RSBN1: variants seen among roughly 807,000 people sequenced by gnomAD.
RSBN1 encodes the protein lysine-specific demethylase 9.
RSBN1 carries 23 observed loss-of-function variants against 74.8 expected under a neutral mutation model. The observed-to-expected ratio is 0.31, with a 90% CI of 0.22 to 0.44. The LOEUF (loss-of-function observed/expected upper bound fraction) is 0.44, where lower values mean the gene tolerates loss of function less well. Ranked by LOEUF, RSBN1 falls within the 20% of genes least tolerant of loss-of-function variation. The pLI is 1.00. For missense variants in RSBN1, 808 were observed against 1,020.9 expected, an observed-to-expected ratio of 0.79 and a Z score of 2.84; for synonymous variants, 407 against 379.6, an observed-to-expected ratio of 1.07 and a Z score of -0.84.
chr1:113,768,192 C>A, intron 5 of RSBN1, 30 bp downstream of exon 5: 1 of 1,565,424 alleles, frequency 6.4e-7, no homozygotes, highest in Non-Finnish European at 8.7e-7. Flanking sequence ...CAATATTAAC[C>A]AACCTTGCAG....
chr1:113,785,852 G>C (rs1025338960), intron 2 of RSBN1, among the ~76,000 whole-genome samples: 1 of 152,132 alleles, frequency 6.6e-6, no homozygotes, highest in Non-Finnish European at 1.5e-5. Context: ...GAAAAATAAA[G>C]ATGAGACTGG....
intron 6 of RSBN1, 92 bp from the exon 7 acceptor site, chr1:113,766,545 T>G: frequency 1.3e-6 from 1 of 798,858 alleles, no homozygotes; most frequent in Non-Finnish European, 2.0e-6. Context: ...AGAAACAAAA[T>G]GTGTCATAAC....
chr1:113,811,863 T>C lies in RSBN1; in HGVS notation c.550A>G (p.Lys184Glu). Residue 184 changes from lysine (K) to glutamate (E), a missense_variant, in exon 1 of 7, where the codon AAG (lysine) becomes GAG (glutamate). Coordinates refer to ENST00000261441, the MANE Select transcript of RSBN1 (RefSeq NM_018364.5). ...SPLTVSAAGP[K>E]HKGHKERHKH... ...TGCCGCTCCTTGTGGCCCTTATGCT[T>C]GGGCCCGGCCGCGCTCACCGTCAGA... The C allele has an allele frequency of 6.2e-7, 1 of 1,613,420 alleles. No homozygotes were observed. The highest frequency in any genetic ancestry group is 1.1e-5 in the South Asian group (1 of 91,044).
Position 113,766,137 on chromosome 1 carries a change from T to C in RSBN1, c.2252A>G (p.Gln751Arg). 1 of 1,614,074 alleles carries C rather than the reference T, an allele frequency of 6.2e-7. No homozygotes were observed. The highest frequency in any genetic ancestry group is 2.2e-5 in the East Asian group (1 of 44,878). The change falls in exon 7 of 7, where the codon CAG (glutamine) becomes CGG (arginine). Residue 751 changes from glutamine (Q) to arginine (R), a missense_variant. Transcript: ENST00000261441. ...AGATGATGAAGCAGTTGTTAACAGC[T>C]GAATCTCTGTGCATGCTTCTTCAGA... ...TESEEACTEI[Q>R]LLTTASSSFP...
rs545916770 is a variant in RSBN1, at chr1:113,763,118, A to C, written c.*2862T>G. The C allele has an allele frequency of 6.6e-6, 1 of 152,664 alleles. No individual in the cohort carries two copies. The highest frequency in any genetic ancestry group is 1.5e-5 in the Non-Finnish European group (1 of 67,966). The allele number at this position is 152,664 out of a possible 1,614,324, so 9.5% of individuals were successfully genotyped here. On this transcript the variant is annotated 3_prime_UTR_variant, in exon 7 of 7. Coordinates refer to ENST00000261441, the MANE Select transcript of RSBN1 (RefSeq NM_018364.5). Reference sequence around the variant, plus strand: ...GGTTACCACTTTGAATCATCATCCTACTCCTAGCATATCTTGGTATAGAGA... The same window carrying C: ...GGTTACCACTTTGAATCATCATCCTCCTCCTAGCATATCTTGGTATAGAGA...
rs367744243 is a variant in RSBN1 at position 113,766,375 on chromosome 1, C to T, written c.2014G>A (p.Asp672Asn). Residue 672 changes from aspartate to asparagine, a missense_variant, in exon 7 of 7, where the codon GAC becomes AAC. Physicochemically the swap from Asp to Asn is conservative, Grantham distance 23. Around this residue, in one of 6 missense-constraint regions of RSBN1, gnomAD observed 38 missense variants for 120.6 expected, o/e 0.32. Transcript: ENST00000261441. ...CTAGGGATGAAGTAGATATCATTGT[C>T]GCAAAGCTGAATTCTAGCATAACGA... is the stretch of plus-strand genomic sequence containing the variant. ...GIRYARIQLC[D>N]NDIYFIPRNV... 8 of 1,613,900 alleles carry T rather than the reference C, an allele frequency of 5.0e-6. No individual in the cohort carries two copies. Among genetic ancestry groups the T allele is most frequent in the Non-Finnish European group, 6.8e-6 (8 of 1,179,966 alleles).
intron 1 of RSBN1, among the ~76,000 whole-genome samples, chr1:113,811,058 A>C (rs757325101): frequency 3.3e-5 from 5 of 152,218 alleles, no homozygotes; most frequent in Non-Finnish European, 5.9e-5. Context: ...TACTGCACAA[A>C]TTCCCACTTT....
At position 113,761,891 on chromosome 1, in the gene RSBN1, T is replaced by A. The variant is rs1347863549; in HGVS notation, c.*4089A>T. The A allele has an allele frequency of 2.6e-5, 4 of 152,248 alleles. No homozygotes were observed. Among genetic ancestry groups the A allele is most frequent in the Admixed American group, 2.0e-4 (3 of 15,224 alleles). The allele number at this position is 152,248 out of a possible 1,614,324, so 9.4% of individuals were successfully genotyped here. ...TACTTTACAGGAAAAAAAAAAACTA[T>A]GCATTCCATTGTCCTATTTTACAAA... On this transcript the variant is annotated 3_prime_UTR_variant, in exon 7 of 7. Coordinates refer to ENST00000261441, the MANE Select transcript of RSBN1 (RefSeq NM_018364.5).
At chr1:113,793,257 T>G (rs1038582571) in intron 2 of RSBN1, among the ~76,000 whole-genome samples, 2 of 152,156 alleles carry the variant, frequency 1.3e-5, no homozygotes, top group African/African-American at 4.8e-5. Context: ...TAGAGCAAAC[T>G]TTTAGTAGCA....
chr1:113,792,872 T>G (rs1660393877), intron 2 of RSBN1, among the ~76,000 whole-genome samples: 1 of 152,062 alleles, frequency 6.6e-6, no homozygotes, highest in Non-Finnish European at 1.5e-5. Flanking sequence ...CTTTATAAAG[T>G]TATCCTGTAT....
intron 2 of RSBN1, among the ~76,000 whole-genome samples, chr1:113,782,477 G>C (rs1192044272): frequency 6.6e-6 from 1 of 152,190 alleles, no homozygotes; most frequent in African/African-American, 2.4e-5. Context: ...GTTAGCTAAA[G>C]AAATTGTGAA....
chr1:113,765,682 G>C lies in RSBN1; in HGVS notation c.*298C>G. On this transcript the variant is annotated 3_prime_UTR_variant, in exon 7 of 7. Transcript: ENST00000261441. ...TGAATAATTTACCAAACAAGAATCTGTTATTCCAGAGAATTCTCATTTTGA... is the reference window on the plus strand; with the variant it reads ...TGAATAATTTACCAAACAAGAATCTCTTATTCCAGAGAATTCTCATTTTGA... 2 of 269,400 alleles carry C rather than the reference G, an allele frequency of 7.4e-6. No homozygotes were observed. Among genetic ancestry groups the C allele is most frequent in the Non-Finnish European group, 1.4e-5 (2 of 140,886 alleles). 16.7% of individuals were successfully genotyped at this position (269,400 alleles called of 1,614,324 possible). A position where few individuals can be genotyped will look rare whatever the true frequency, so the allele number is the denominator to read the frequency against.
intron 2 of RSBN1, among the ~76,000 whole-genome samples, chr1:113,790,203 G>A (rs76007032): frequency 0.01 from 1,561 of 152,174 alleles, 26 homozygotes; most frequent in African/African-American, 0.035. Context: ...GGTAGTAGCG[G>A]GTAACTGACA....
At chr1:113,803,380 G>T (rs1046671024) in intron 1 of RSBN1, among the ~76,000 whole-genome samples, 3 of 152,166 alleles carry the variant, frequency 2.0e-5, no homozygotes, top group Non-Finnish European at 1.5e-5. Context: ...ATGACTGCTG[G>T]ATCGTATAGT....
At chr1:113,810,411 ACAC>A (rs1475073581) in intron 1 of RSBN1, among the ~76,000 whole-genome samples, 1 of 151,912 alleles carries the variant, frequency 6.6e-6, no homozygotes, top group African/African-American at 2.4e-5. Flanking sequence ...ACACACACAC[ACAC>A]AAGAAATGAG....
In RSBN1 at chr1:113,765,693, G is replaced by T. The variant is rs1029426184; in HGVS notation, c.*287C>A. On this transcript the variant is annotated 3_prime_UTR_variant, in exon 7 of 7. Coordinates refer to ENST00000261441, the MANE Select transcript of RSBN1 (RefSeq NM_018364.5). ...CCAAACAAGAATCTGTTATTCCAGA[G>T]AATTCTCATTTTGATTTGAAGAAGA... 3.4e-6 allele frequency: 1 copy of T among 290,902 alleles called. No homozygotes were observed. The highest frequency in any genetic ancestry group is 2.2e-5 in the African/African-American group (1 of 46,492). The allele number at this position is 290,902 out of a possible 1,614,324, so 18.0% of individuals were successfully genotyped here.
intron 2 of RSBN1, among the ~76,000 whole-genome samples, chr1:113,796,479 C>A (rs536178455): frequency 6.6e-6 from 1 of 151,862 alleles, no homozygotes; most frequent in African/African-American, 2.4e-5. Flanking sequence ...AGTCTTATTA[C>A]GGCAACAATC....
At chr1:113,777,978 A>G (rs1660063130) in intron 2 of RSBN1, among the ~76,000 whole-genome samples, 170 bp from the exon 3 acceptor site, 1 of 152,236 alleles carries the variant, frequency 6.6e-6, no homozygotes, top group African/African-American at 2.4e-5. Context: ...TGACAAATAC[A>G]CTAATACATA....
intron 2 of RSBN1, 91 bp downstream of exon 2, chr1:113,797,272 A>C: frequency 9.8e-7 from 1 of 1,025,536 alleles, no homozygotes; most frequent in Non-Finnish European, 1.4e-6. Context: ...ATTTGTTATC[A>C]AAAATGTGCT....
Sources: gnomAD v4.1 joint callset for allele counts (sites outside exome capture counted in the v4.1 genomes callset) on GRCh38, gnomAD v4.1.1 for gene constraint, gnomAD v4.1.1 regional missense constraint, MANE v1.5 for transcripts, NCBI Gene and HGNC (gene_info 2026-07-23, HGNC 2026-07-21) for gene names.